The following PARD3B variants were observed in gnomAD, a reference collection of about 807,000 sequenced individuals.
The protein encoded by PARD3B is partitioning defective 3 homolog B.
PARD3B carries 103 observed loss-of-function variants against 130.2 expected under a neutral mutation model. The observed-to-expected ratio is 0.79, with a 90% CI of 0.67 to 0.93. The LOEUF (loss-of-function observed/expected upper bound fraction) is 0.93, where lower values mean the gene tolerates loss of function less well. Among genes scored for constraint, PARD3B ranks in the 40% least tolerant of loss-of-function variants. The pLI is 0.00. For missense variants in PARD3B, 1,609 were observed against 1,499.2 expected (o/e 1.07, Z -1.21); for synonymous variants, 583 against 553.2 (o/e 1.05, Z -0.76).
At position 205,446,404 on chromosome 2, in the gene PARD3B, G is replaced by A. The variant is rs1281135535; in HGVS notation, c.3044+5732G>A. On this transcript the variant is annotated intron_variant, in intron 20 of 22. Coordinates refer to ENST00000406610, the MANE Select transcript of PARD3B (RefSeq NM_001302769.2). The surrounding 1 kb of genome is among the most constrained non-coding windows in gnomAD (Gnocchi z 4.4). ...GCGGTTTATCCTCATCTACTTATTT[G>A]TAAAAGGGAAGATTATAATATAGCC... Among the ~76,000 whole-genome samples the A allele has an allele frequency of 9.2e-5, 14 of 152,156 alleles. No individual in the cohort carries two copies. Among genetic ancestry groups the A allele is most frequent in the Admixed American group, 9.2e-4 (14 of 15,276 alleles).
intron 2 of PARD3B, among the ~76,000 whole-genome samples, chr2:204,930,195 A>G (rs1687924219): frequency 6.7e-6 from 1 of 150,286 alleles, no homozygotes; most frequent in African/African-American, 2.4e-5. Flanking sequence ...GTTCATTTAC[A>G]TTCTATGTTT....
chr2:204,939,889 A>G (rs1024791061), intron 2 of PARD3B, among the ~76,000 whole-genome samples: 1 of 152,214 alleles, frequency 6.6e-6, no homozygotes, highest in Non-Finnish European at 1.5e-5. Flanking sequence ...TTCTCAAGCC[A>G]TTGGCCCCAA....
intron 4 of PARD3B, among the ~76,000 whole-genome samples, chr2:205,103,533 C>T (rs1306173668): frequency 6.6e-6 from 1 of 152,078 alleles, no homozygotes; most frequent in Non-Finnish European, 1.5e-5. Flanking sequence ...CATTCAGATG[C>T]ATAAATGCTG....
intron 4 of PARD3B, among the ~76,000 whole-genome samples, chr2:205,076,221 G>T (rs1701053833): frequency 6.6e-6 from 1 of 152,142 alleles, no homozygotes; most frequent in Non-Finnish European, 1.5e-5. Flanking sequence ...TATATAACTA[G>T]ATTGATGCAG....
chr2:205,093,453 TGG>T (rs1371254394), intron 4 of PARD3B, among the ~76,000 whole-genome samples: 2 of 151,886 alleles, frequency 1.3e-5, no homozygotes, highest in Non-Finnish European at 2.9e-5. Flanking sequence ...GGCATGAAAG[TGG>T]CACTGAAGAG....
intron 15 of PARD3B, among the ~76,000 whole-genome samples, chr2:205,245,002 A>T (rs376338370): frequency 6.6e-6 from 1 of 152,292 alleles, no homozygotes; most frequent in African/African-American, 2.4e-5. Flanking sequence ...ATCAGTATTC[A>T]ACTACATATA....
intron 21 of PARD3B, among the ~76,000 whole-genome samples, chr2:205,508,633 A>G (rs560577079): frequency 1.3e-5 from 2 of 151,650 alleles, no homozygotes; most frequent in African/African-American, 2.4e-5. Flanking sequence ...CTGCTGCCAC[A>G]CGATGGGCAA....
intron 1 of PARD3B, among the ~76,000 whole-genome samples, chr2:204,587,971 T>C (rs2125089909): frequency 6.6e-6 from 1 of 152,318 alleles, no homozygotes; most frequent in East Asian, 1.9e-4. Flanking sequence ...TGTGAGTCAA[T>C]TAAACCTCTT....
rs777517284 is a variant in PARD3B, at chr2:205,406,659, C to CTT, written c.2741+5564_2741+5565dup. 2.8e-3 allele frequency among the ~76,000 whole-genome samples: 244 copies of CTT among 87,456 alleles called. 2 individuals carry two copies. The highest frequency in any genetic ancestry group is 7.4e-3 in the African/African-American group (156 of 21,196). The allele number at this position is 87,456 out of a possible 152,430, so 57.4% of individuals were successfully genotyped here. A position where few individuals can be genotyped will look rare whatever the true frequency, so the allele number is the denominator to read the frequency against. ...TAGCACCTAAAATCTTCTTGTGTAT[C>CTT]TTTTTTTTTTTTTTTTTTTTTTTTT... On this transcript the variant is annotated intron_variant, in intron 19 of 22. Transcript: ENST00000406610.
chr2:205,072,320 G>T (rs1280552881), intron 4 of PARD3B, among the ~76,000 whole-genome samples: 10 of 151,244 alleles, frequency 6.6e-5, no homozygotes, highest in African/African-American at 2.4e-4. Flanking sequence ...CGCACTCTTG[G>T]CTCACTGCAA....
intron 2 of PARD3B, among the ~76,000 whole-genome samples, chr2:204,859,954 A>G (rs1430125633): frequency 2.0e-5 from 3 of 152,208 alleles, no homozygotes; most frequent in African/African-American, 7.2e-5. Context: ...AATGAAGAAT[A>G]GTGCAGTGCA....
intron 2 of PARD3B, among the ~76,000 whole-genome samples, chr2:204,766,959 CTTTTTCTTTT>C (rs1462186345): frequency 2.2e-5 from 1 of 44,488 alleles, no homozygotes; most frequent in African/African-American, 5.8e-5. Flanking sequence ...CTTGTATTTT[CTTTTTCTTTT>C]TTTTTTTTTT....
In PARD3B at chr2:205,584,653, G is replaced by A. The variant is rs2054128390; in HGVS notation, c.3261-30803G>A. On this transcript the variant is annotated intron_variant, in intron 22 of 22. Coordinates refer to ENST00000406610, the MANE Select transcript of PARD3B (RefSeq NM_001302769.2). The surrounding 1 kb of genome is among the most constrained non-coding windows in gnomAD (Gnocchi z 5.5). ...AGATTGCACCACTGCACTGTAGCCTGGGCAACAGAGCAAAACTCCATCTCA... is the reference window on the plus strand; with the variant it reads ...AGATTGCACCACTGCACTGTAGCCTAGGCAACAGAGCAAAACTCCATCTCA... Among the ~76,000 whole-genome samples the A allele has an allele frequency of 6.6e-6, 1 of 151,978 alleles. No individual in the cohort carries two copies. The highest frequency in any genetic ancestry group is 2.4e-5 in the African/African-American group (1 of 41,376).
At chr2:204,591,470 A>G (rs1033183766) in intron 1 of PARD3B, among the ~76,000 whole-genome samples, 6 of 152,232 alleles carry the variant, frequency 3.9e-5, no homozygotes, top group Non-Finnish European at 7.3e-5. Flanking sequence ...CTGTCATTCA[A>G]ATATGAATGC....
chr2:205,193,325 G>C lies in PARD3B; in HGVS notation c.2140+5G>C. 2.5e-6 allele frequency: 4 copies of C among 1,583,530 alleles called. No homozygotes were observed. Among genetic ancestry groups the C allele is most frequent in the African/African-American group, 1.3e-5 (1 of 74,294 alleles). Reference sequence around the variant, plus strand: ...CCTCGAAGAGCATGGACCTTGGTAAGCAAGGGTGAGGTGACATCCAGGTCA... The same window carrying C: ...CCTCGAAGAGCATGGACCTTGGTAACCAAGGGTGAGGTGACATCCAGGTCA... On this transcript the variant is annotated splice_donor_5th_base_variant and intron_variant, in intron 15 of 22. Transcript: ENST00000406610.
intron 21 of PARD3B, among the ~76,000 whole-genome samples, chr2:205,531,286 A>C (rs1204931083): frequency 6.6e-6 from 1 of 152,140 alleles, no homozygotes; most frequent in Non-Finnish European, 1.5e-5. Flanking sequence ...ATTAATGATG[A>C]GAAAAGCCAC....
At chr2:205,308,981 C>A (rs1026473897) in intron 18 of PARD3B, among the ~76,000 whole-genome samples, 1 of 152,224 alleles carries the variant, frequency 6.6e-6, no homozygotes, top group Non-Finnish European at 1.5e-5. Flanking sequence ...CTGCACACAG[C>A]CCAAGCTACA....
At chr2:205,307,782 T>A (rs1231542329) in intron 18 of PARD3B, among the ~76,000 whole-genome samples, 1 of 152,168 alleles carries the variant, frequency 6.6e-6, no homozygotes, top group Non-Finnish European at 1.5e-5. Context: ...TGTCATAGAT[T>A]TATGTTCAAA....
rs2040588000 is a variant in PARD3B, at chr2:205,268,276, C to T, written c.2185+22454C>T. The stretch of plus-strand genomic sequence containing the variant: ...ACATGCATTAGTGAAAGTAAATAAG[C>T]ATGAAGACAGACTGATTAAGCTCAC... On this transcript the variant is annotated intron_variant, in intron 16 of 22. Coordinates refer to ENST00000406610, the MANE Select transcript of PARD3B (RefSeq NM_001302769.2). The surrounding 1 kb of genome is among the most constrained non-coding windows in gnomAD (Gnocchi z 4.1). 6.6e-6 allele frequency among the ~76,000 whole-genome samples: 1 copy of T among 152,218 alleles called. No homozygotes were observed. Among genetic ancestry groups the T allele is most frequent in the East Asian group, 1.9e-4 (1 of 5,204 alleles).
Sources: allele counts gnomAD v4.1 joint callset (sites outside exome capture counted in the v4.1 genomes callset), GRCh38; gene constraint gnomAD v4.1.1; non-coding constraint Gnocchi (gnomAD v3.1); transcripts MANE v1.5; gene names NCBI Gene and HGNC (gene_info 2026-07-23, HGNC 2026-07-21).